The following ZMAT4 variants were observed in gnomAD, a reference collection of about 807,000 sequenced individuals.
ZMAT4 encodes the protein zinc finger matrin-type protein 4.
A neutral mutation model predicts 28.7 loss-of-function variants in ZMAT4; 17 were observed. That is an observed-to-expected ratio of 0.59 (90% confidence interval 0.41 to 0.89). The LOEUF is 0.89. Among genes scored for constraint, ZMAT4 ranks in the 40% least tolerant of loss-of-function variants. The pLI is 0.00. For synonymous variants in ZMAT4, 117 were observed against 109.2 expected (o/e 1.07, Z -0.44); for missense variants, 240 against 283.8 (o/e 0.85, Z 1.11).
At chr8:40,767,765 G>A in intron 2 of ZMAT4, 35 bp from the exon 3 acceptor site, 3 of 1,572,714 alleles carry the variant, frequency 1.9e-6, no homozygotes, top group South Asian at 2.4e-5. Flanking sequence ...TACTGTAAAA[G>A]ATAAGCCATT....
At chr8:40,720,603 C>T (rs1209433353) in intron 3 of ZMAT4, among the ~76,000 whole-genome samples, 1 of 148,162 alleles carries the variant, frequency 6.7e-6, no homozygotes, top group Non-Finnish European at 1.5e-5. Context: ...TTTTGGCTCA[C>T]TGCAACCTCT....
chr8:40,814,244 G>GA (rs1439201812), intron 2 of ZMAT4, among the ~76,000 whole-genome samples: 1 of 152,218 alleles, frequency 6.6e-6, no homozygotes, highest in African/African-American at 2.4e-5. Flanking sequence ...CCAAGTATCA[G>GA]AAGAGATTTA....
chr8:40,807,299 G>T (rs573566224), intron 2 of ZMAT4, among the ~76,000 whole-genome samples: 1 of 151,904 alleles, frequency 6.6e-6, no homozygotes, highest in African/African-American at 2.4e-5. Flanking sequence ...AAAATTAGCC[G>T]GGCATGGTGG....
At chr8:40,624,332 G>A (rs559258091) in intron 5 of ZMAT4, among the ~76,000 whole-genome samples, 4 of 152,318 alleles carry the variant, frequency 2.6e-5, no homozygotes, top group African/African-American at 9.6e-5. Flanking sequence ...GCAGTGGTCT[G>A]CAACTAGGAT....
chr8:40,611,854 AC>A (rs1393477635), intron 5 of ZMAT4, among the ~76,000 whole-genome samples: 1 of 152,224 alleles, frequency 6.6e-6, no homozygotes, highest in Non-Finnish European at 1.5e-5. Flanking sequence ...AATAAATTTT[AC>A]TATCATCTAT....
intron 5 of ZMAT4, among the ~76,000 whole-genome samples, chr8:40,652,045 C>A (rs1431734259): frequency 3.2e-4 from 18 of 56,150 alleles, no homozygotes; most frequent in African/African-American, 8.8e-4. Context: ...GTCTAAAACA[C>A]CAAAAGCAAT....
intron 1 of ZMAT4, among the ~76,000 whole-genome samples, chr8:40,830,860 C>T (rs1292603516): frequency 2.0e-5 from 3 of 152,174 alleles, no homozygotes; most frequent in South Asian, 4.1e-4. Flanking sequence ...TACACAGCCT[C>T]ACTGAGCCCT....
At chr8:40,558,719 G>T (rs1803628400) in intron 6 of ZMAT4, among the ~76,000 whole-genome samples, 1 of 152,060 alleles carries the variant, frequency 6.6e-6, no homozygotes, top group African/African-American at 2.4e-5. Flanking sequence ...TCCCATGTGA[G>T]AACTAAAAAT....
intron 5 of ZMAT4, among the ~76,000 whole-genome samples, chr8:40,582,225 A>G (rs1322654504): frequency 6.6e-6 from 1 of 152,210 alleles, no homozygotes; most frequent in Non-Finnish European, 1.5e-5. Context: ...CTAGGTGAAT[A>G]AGATATTACA....
intron 2 of ZMAT4, among the ~76,000 whole-genome samples, chr8:40,790,137 T>C (rs980039676): frequency 6.6e-6 from 1 of 152,232 alleles, no homozygotes; most frequent in Non-Finnish European, 1.5e-5. Context: ...ACTCTCTTGC[T>C]ATAGCAAGCT....
In ZMAT4 at chr8:40,686,970, G is replaced by A. The variant is rs115870670; in HGVS notation, c.349+10275C>T. Reference sequence around the variant, plus strand: ...ATTGCTGGGCTGTGAAGAACATGAGGCGGGAAAAGTGGTTGGTAAGAGTGA... The same window carrying A: ...ATTGCTGGGCTGTGAAGAACATGAGACGGGAAAAGTGGTTGGTAAGAGTGA... On this transcript the variant is annotated intron_variant, in intron 4 of 6. Coordinates refer to ENST00000297737, the MANE Select transcript of ZMAT4 (RefSeq NM_024645.3). 5.3e-3 allele frequency among the ~76,000 whole-genome samples: 814 copies of A among 152,204 alleles called. 9 individuals are homozygous for A. Among genetic ancestry groups the A allele is most frequent in the African/African-American group, 0.018 (763 of 41,520 alleles).
At chr8:40,533,769 T>C (rs1029609491) in intron 6 of ZMAT4, among the ~76,000 whole-genome samples, 5 of 152,230 alleles carry the variant, frequency 3.3e-5, no homozygotes, top group Non-Finnish European at 5.9e-5. Context: ...CTGGTAGCTA[T>C]AGCCACTTTT....
chr8:40,568,746 G>C (rs1423612521), intron 6 of ZMAT4, among the ~76,000 whole-genome samples: 1 of 152,034 alleles, frequency 6.6e-6, no homozygotes, highest in Non-Finnish European at 1.5e-5. Flanking sequence ...ATCTGTTCAA[G>C]GTCACAGAAT....
intron 5 of ZMAT4, among the ~76,000 whole-genome samples, chr8:40,622,353 C>T (rs1806231704): frequency 1.3e-5 from 2 of 152,190 alleles, no homozygotes; most frequent in South Asian, 4.1e-4. Context: ...TGCCTGCCTT[C>T]TCCAACACTT....
rs972418336 is a variant in ZMAT4, at chr8:40,893,399, G to C, written c.-5+4284C>G. Among the ~76,000 whole-genome samples the C allele has an allele frequency of 2.6e-5, 4 of 152,156 alleles. No homozygotes were observed. In the East Asian group the frequency reaches 7.7e-4, roughly 29 times the overall value. On this transcript the variant is annotated intron_variant, in intron 1 of 6. Coordinates refer to ENST00000297737, the MANE Select transcript of ZMAT4 (RefSeq NM_024645.3). ...CCTGACCTCTGGCTCTATATCTAAG[G>C]GGACTAAAAGTCAGAAAAGGCACAT...
chr8:40,713,921 C>CAAAAAAAAAA (rs532317102), intron 3 of ZMAT4, among the ~76,000 whole-genome samples: 6 of 50,026 alleles, frequency 1.2e-4, no homozygotes, highest in Admixed American at 2.4e-4. Flanking sequence ...AAAACAAAAC[C>CAAAAAAAAAA]AAAAAAAAAA....
At chr8:40,777,832 C>T (rs1038108469) in intron 2 of ZMAT4, among the ~76,000 whole-genome samples, 1 of 152,238 alleles carries the variant, frequency 6.6e-6, no homozygotes, top group Non-Finnish European at 1.5e-5. Flanking sequence ...GCTCCCCCAA[C>T]ATACTCTGAT....
At chr8:40,601,122 T>C (rs1405892516) in intron 5 of ZMAT4, among the ~76,000 whole-genome samples, 1 of 152,000 alleles carries the variant, frequency 6.6e-6, no homozygotes, top group African/African-American at 2.4e-5. Flanking sequence ...ATGAAAAACT[T>C]TATTCAGTTG....
intron 6 of ZMAT4, among the ~76,000 whole-genome samples, chr8:40,543,435 C>T (rs976087352): frequency 2.0e-5 from 3 of 152,190 alleles, no homozygotes; most frequent in Non-Finnish European, 2.9e-5. Context: ...AGTTCAGCCA[C>T]GTCTGGGAAT....
Sources: allele counts gnomAD v4.1 joint callset (sites outside exome capture counted in the v4.1 genomes callset), GRCh38; gene constraint gnomAD v4.1.1; transcripts MANE v1.5; gene names NCBI Gene and HGNC (gene_info 2026-07-23, HGNC 2026-07-21).